The following ACTR3C variants were observed in gnomAD, a reference collection of about 807,000 sequenced individuals.
ACTR3C encodes the protein actin-related protein 3C.
A neutral mutation model predicts 26.3 loss-of-function variants in ACTR3C; 18 were observed. The ratio of observed to expected loss-of-function variants is 0.68; its 90% CI spans 0.47 to 1.01. ACTR3C has a LOEUF of 1.01. Ranked by LOEUF, ACTR3C falls within the 50% of genes least tolerant of loss-of-function variation. The pLI is 0.00. For synonymous variants in ACTR3C, 55 were observed against 94.5 expected (o/e 0.58, Z 2.42); for missense variants, 184 against 250.7 (o/e 0.73, Z 1.80).
the ACTR3C span, among the ~76,000 whole-genome samples, chr7:150,179,632 G>A: frequency 7.3e-4 from 110 of 149,692 alleles, no homozygotes; most frequent in Middle Eastern, 3.4e-3. Flanking sequence ...CTAGAGGGGC[G>A]TACCACCACA....
At chr7:149,946,870 C>A in the ACTR3C span, among the ~76,000 whole-genome samples, 1 of 152,190 alleles carries the variant, frequency 6.6e-6, no homozygotes, top group East Asian at 1.9e-4. Flanking sequence ...GGAAAGAAAC[C>A]GCATTGGTTC....
the ACTR3C span, among the ~76,000 whole-genome samples, chr7:150,036,741 G>A: frequency 3.4e-3 from 475 of 138,246 alleles, 52 homozygotes; most frequent in African/African-American, 0.011. Context: ...CCGTCGGATC[G>A]TAAATCCCAT....
At chr7:149,965,120 A>G in the ACTR3C span, among the ~76,000 whole-genome samples, 23 of 151,274 alleles carry the variant, frequency 1.5e-4, no homozygotes, top group African/African-American at 3.9e-4. Flanking sequence ...TATAATTAGA[A>G]TTTATGTTGA....
chr7:150,003,355 T>C, the ACTR3C span, among the ~76,000 whole-genome samples: 1 of 150,172 alleles, frequency 6.7e-6, no homozygotes, highest in Non-Finnish European at 1.5e-5. Flanking sequence ...ATGTGTGGTA[T>C]GTGGTGTGTG....
At chr7:150,314,539 T>C (rs927590288) in intron 1 of ACTR3C, among the ~76,000 whole-genome samples, 4 of 152,130 alleles carry the variant, frequency 2.6e-5, no homozygotes, top group African/African-American at 7.2e-5. Context: ...CAGGGAGATG[T>C]GTGAAGCAAA....
the ACTR3C span, among the ~76,000 whole-genome samples, chr7:150,229,473 G>C: frequency 6.6e-6 from 1 of 151,152 alleles, no homozygotes; most frequent in Non-Finnish European, 1.5e-5. Flanking sequence ...TGTTGATGTA[G>C]CGTATTAGAG....
At chr7:149,959,189 G>T in the ACTR3C span, among the ~76,000 whole-genome samples, 11 of 151,506 alleles carry the variant, frequency 7.3e-5, no homozygotes, top group African/African-American at 2.4e-4. Flanking sequence ...AATCCAAGGG[G>T]CTTGGGCCCT....
the ACTR3C span, among the ~76,000 whole-genome samples, chr7:150,219,451 G>T: frequency 6.9e-6 from 1 of 145,366 alleles, no homozygotes; most frequent in East Asian, 1.9e-4. Flanking sequence ...TTGCTGTGCG[G>T]CTTCCCTATG....
intron 3 of ACTR3C, among the ~76,000 whole-genome samples, chr7:150,289,962 A>G (rs1269549272): frequency 1.4e-4 from 21 of 152,228 alleles, no homozygotes; most frequent in Non-Finnish European, 2.9e-5. Context: ...AAAAAGTTTT[A>G]TTTATAAATT....
At chr7:149,937,818 T>C in the ACTR3C span, among the ~76,000 whole-genome samples, 2 of 152,058 alleles carry the variant, frequency 1.3e-5, no homozygotes, top group Non-Finnish European at 2.9e-5. Flanking sequence ...TAAGGCGCAT[T>C]CTGATCCCTT....
chr7:150,279,717 T>G (rs1399534442), intron 6 of ACTR3C, among the ~76,000 whole-genome samples: 1 of 152,198 alleles, frequency 6.6e-6, no homozygotes, highest in African/African-American at 2.4e-5. Context: ...GGCCAAGCTC[T>G]CAGACTCAGC....
the ACTR3C span, among the ~76,000 whole-genome samples, chr7:149,902,288 C>G: frequency 6.6e-6 from 1 of 150,464 alleles, no homozygotes; most frequent in Non-Finnish European, 1.5e-5. Context: ...CTAACAAACT[C>G]ATTTTATGAA....
chr7:150,032,046 C>T, the ACTR3C span, among the ~76,000 whole-genome samples: 8 of 152,364 alleles, frequency 5.3e-5, no homozygotes, highest in Middle Eastern at 3.4e-3. Context: ...CCCCTTCTTC[C>T]GGTCTATTTC....
At chr7:149,898,201 A>G in the ACTR3C span, among the ~76,000 whole-genome samples, 1 of 152,150 alleles carries the variant, frequency 6.6e-6, no homozygotes, top group East Asian at 1.9e-4. Flanking sequence ...ACGACGACTG[A>G]GGTGATCTGT....
the ACTR3C span, among the ~76,000 whole-genome samples, chr7:150,053,400 G>A: frequency 2.0e-5 from 3 of 152,214 alleles, no homozygotes; most frequent in African/African-American, 7.2e-5. Flanking sequence ...ATGAGTCTCT[G>A]CACTTCAGTG....
chr7:150,122,222 G>C, the ACTR3C span, among the ~76,000 whole-genome samples: 1 of 151,898 alleles, frequency 6.6e-6, no homozygotes, highest in Non-Finnish European at 1.5e-5. Context: ...AGCCAAAATT[G>C]ACAAATGGGA....
At chr7:149,976,173 A>G in the ACTR3C span, among the ~76,000 whole-genome samples, 2 of 152,172 alleles carry the variant, frequency 1.3e-5, no homozygotes, top group Non-Finnish European at 2.9e-5. Context: ...CAATTTCCAT[A>G]GTTCTTATAA....
chr7:150,245,817 A>G (rs2129608752), downstream of ACTR3C: 1 of 152,380 alleles, frequency 6.6e-6, no homozygotes, highest in Admixed American at 6.5e-5. Flanking sequence ...TGGGGGGCTC[A>G]GTGAAGATCC....
At chr7:149,984,508 T>A in the ACTR3C span, among the ~76,000 whole-genome samples, 5 of 151,018 alleles carry the variant, frequency 3.3e-5, no homozygotes, top group Non-Finnish European at 5.9e-5. Context: ...CTGGCCACGT[T>A]TTATCTATTG....
Sources: gnomAD v4.1 joint callset for allele counts (sites outside exome capture counted in the v4.1 genomes callset) on GRCh38, gnomAD v4.1.1 for gene constraint, MANE v1.5 for transcripts, NCBI Gene and HGNC (gene_info 2026-07-23, HGNC 2026-07-21) for gene names.